Variants in KCNN2 observed in about 807,000 individuals in gnomAD.
KCNN2 encodes small conductance calcium-activated potassium channel protein 2.
In KCNN2, 24 loss-of-function variants were observed where a neutral mutation model predicts 55.5. That is an observed-to-expected ratio of 0.43 (90% CI 0.31 to 0.61). The LOEUF (loss-of-function observed/expected upper bound fraction) is 0.61. KCNN2 is among the 20% of genes least tolerant of loss of function. The probability of loss-of-function intolerance (pLI) is 0.08; values close to 1 mark genes in which losing one functional copy is unlikely to be tolerated. For synonymous variants in KCNN2, 431 were observed against 336.1 expected (o/e 1.28, Z -3.09); for missense variants, 754 against 853.6 (o/e 0.88, Z 1.45).
At position 114,077,841 on chromosome 5, in the gene KCNN2, G is replaced by C. The variant is rs76776218; in HGVS notation, c.-271+21341G>C. Among the ~76,000 whole-genome samples the C allele has an allele frequency of 7.2e-5, 11 of 152,292 alleles. No homozygotes were observed. The East Asian group carries it at 1.7e-3, about 24-fold the overall frequency. On this transcript the variant is annotated intron_variant, in intron 1 of 10. Coordinates refer to the KCNN2 transcript ENST00000512097. ...CATTGTGGCAGAGGATCAGAGAAGG[G>C]GGGTGGTGAAGACTTGCTCTTCTCC...
intron 2 of KCNN2, among the ~76,000 whole-genome samples, chr5:114,291,852 A>G (rs200427001): frequency 6.6e-6 from 1 of 152,070 alleles, no homozygotes; most frequent in African/African-American, 2.4e-5. Flanking sequence ...TCCAGCACCT[A>G]TTGTTTCCTG....
intron 1 of KCNN2, among the ~76,000 whole-genome samples, chr5:114,116,418 C>T (rs1751709189): frequency 6.6e-6 from 1 of 152,120 alleles, no homozygotes; most frequent in Non-Finnish European, 1.5e-5. Context: ...GTGATAAGTA[C>T]ACTACTATTT....
At chr5:114,361,706 G>A (rs537828133), upstream of KCNN2, among the ~76,000 whole-genome samples, 3 of 152,176 alleles carry the variant, frequency 2.0e-5, no homozygotes, top group South Asian at 6.2e-4. Flanking sequence ...CGGGCAGCGC[G>A]TCCGGCACTA....
chr5:114,215,640 C>T (rs1462269568), intron 1 of KCNN2, among the ~76,000 whole-genome samples: 13 of 152,078 alleles, frequency 8.5e-5, no homozygotes, highest in Non-Finnish European at 1.9e-4. Context: ...CTCTGCACAT[C>T]GAAATTTTCA....
chr5:114,348,641 A>G (rs933750820), intron 2 of KCNN2, among the ~76,000 whole-genome samples: 1 of 152,184 alleles, frequency 6.6e-6, no homozygotes, highest in African/African-American at 2.4e-5. Flanking sequence ...AATTCCTATT[A>G]GGACATTCAC....
chr5:114,382,869 C>T (rs1192048727), intron 2 of KCNN2, among the ~76,000 whole-genome samples: 1 of 152,210 alleles, frequency 6.6e-6, no homozygotes. Context: ...TGCTCATGTT[C>T]AGAATTTCTG....
chr5:114,104,923 T>C (rs1751450687), intron 1 of KCNN2, among the ~76,000 whole-genome samples: 1 of 151,924 alleles, frequency 6.6e-6, no homozygotes, highest in African/African-American at 2.4e-5. Flanking sequence ...GAAATAGTTG[T>C]GTCGCAGGAG....
At chr5:114,215,323 T>C (rs1450831823) in intron 1 of KCNN2, among the ~76,000 whole-genome samples, 1 of 152,100 alleles carries the variant, frequency 6.6e-6, no homozygotes, top group East Asian at 1.9e-4. Flanking sequence ...TTCTAAATGG[T>C]GAATTTAAAG....
chr5:114,068,119 T>A (rs956929746), intron 1 of KCNN2, among the ~76,000 whole-genome samples: 2 of 152,224 alleles, frequency 1.3e-5, no homozygotes, highest in Admixed American at 1.3e-4. Context: ...GCATTTAACC[T>A]CCTATAACTA....
intron 1 of KCNN2, among the ~76,000 whole-genome samples, chr5:114,177,119 C>T (rs1191813747): frequency 6.7e-6 from 1 of 150,304 alleles, no homozygotes; most frequent in Admixed American, 6.7e-5. Flanking sequence ...TGGATAATAA[C>T]AGCAACATTG....
intron 1 of KCNN2, among the ~76,000 whole-genome samples, chr5:114,086,829 C>T (rs1199124514): frequency 6.6e-6 from 1 of 152,114 alleles, no homozygotes; most frequent in African/African-American, 2.4e-5. Context: ...AATGGTAGTT[C>T]AGTTTTAAGT....
At chr5:114,352,782 A>G (rs1473819378) in intron 2 of KCNN2, among the ~76,000 whole-genome samples, 1 of 151,924 alleles carries the variant, frequency 6.6e-6, no homozygotes, top group Middle Eastern at 3.2e-3. Context: ...CAATTTTGTT[A>G]CAAGCATAGA....
chr5:114,273,998 T>C (rs1007988816), intron 2 of KCNN2, among the ~76,000 whole-genome samples: 8 of 152,206 alleles, frequency 5.3e-5, no homozygotes, highest in Non-Finnish European at 8.8e-5. Context: ...CTTTAATCCA[T>C]CTTGAGTTAA....
chr5:114,081,463 C>T (rs954954334), intron 1 of KCNN2, among the ~76,000 whole-genome samples: 3 of 152,194 alleles, frequency 2.0e-5, no homozygotes, highest in African/African-American at 7.2e-5. Context: ...TAGAATAGAG[C>T]CCAGAAATAA....
intron 2 of KCNN2, among the ~76,000 whole-genome samples, chr5:114,332,709 CT>C (rs920311754): frequency 2.6e-5 from 4 of 152,170 alleles, no homozygotes; most frequent in Admixed American, 2.0e-4. Flanking sequence ...TACTCAAACA[CT>C]TTTTATTGGT....
intron 3 of KCNN2, 23 bp downstream of exon 3, chr5:114,404,879 G>T: frequency 6.3e-7 from 1 of 1,579,430 alleles, no homozygotes; most frequent in South Asian, 1.2e-5. Flanking sequence ...CTTTTCCTGA[G>T]AACATAATTT....
intron 2 of KCNN2, among the ~76,000 whole-genome samples, chr5:114,356,657 T>TA (rs1200139659): frequency 2.0e-5 from 3 of 152,100 alleles, no homozygotes; most frequent in African/African-American, 4.8e-5. Context: ...AATTAGCCCC[T>TA]AAAAAAATAG....
intron 3 of KCNN2, among the ~76,000 whole-genome samples, chr5:114,437,531 A>G (rs1404691896): frequency 6.6e-6 from 1 of 152,174 alleles, no homozygotes; most frequent in Non-Finnish European, 1.5e-5. Context: ...TTATTCCTTC[A>G]AAACAGTTAA....
intron 2 of KCNN2, among the ~76,000 whole-genome samples, chr5:114,272,261 T>C (rs1481208823): frequency 6.6e-6 from 1 of 151,692 alleles, no homozygotes; most frequent in Non-Finnish European, 1.5e-5. Flanking sequence ...TATACACACA[T>C]ATATGTATGT....
Sources: gnomAD v4.1 joint callset for allele counts (sites outside exome capture counted in the v4.1 genomes callset) on GRCh38, gnomAD v4.1.1 for gene constraint, MANE v1.5 for transcripts, NCBI Gene and HGNC (gene_info 2026-07-23, HGNC 2026-07-21) for gene names.